Variants in BTK observed in about 807,000 individuals in gnomAD.
The protein encoded by BTK is tyrosine-protein kinase BTK.
Under a neutral mutation model 57.4 loss-of-function variants are expected in BTK, and 5 were observed. That is an observed-to-expected ratio of 0.09 (90% CI 0.05 to 0.18). The LOEUF (loss-of-function observed/expected upper bound fraction) is 0.18, where lower values mean the gene tolerates loss of function less well. BTK is among the 10% of genes least tolerant of loss of function. The pLI is 1.00. For missense variants in BTK, 194 were observed against 501.2 expected (o/e 0.39, Z 5.85); for synonymous variants, 154 against 174.3 (o/e 0.88, Z 0.92).
At chrX:101,374,332 T>A in intron 3 of BTK, 1 of 441,754 alleles carries the variant, frequency 2.3e-6, no homozygotes, top group Non-Finnish European at 4.0e-6. Context: ...GTTAACAAAT[T>A]TTCCATGTTT....
chrX:101,372,948 G>A (rs1927082409), intron 3 of BTK, among the ~76,000 whole-genome samples: 1 of 107,398 alleles, frequency 9.3e-6, no homozygotes, highest in Non-Finnish European at 1.9e-5. Flanking sequence ...GCAGGGTGTG[G>A]TGGTGGGCGC....
chrX:101,387,347 CT>C (rs1195584019), upstream of BTK, among the ~76,000 whole-genome samples: 1,811 of 75,480 alleles, frequency 0.024, 51 homozygotes, highest in African/African-American at 0.086. Context: ...GCCCTGGGAC[CT>C]TTTTTTTTTT....
At chrX:101,355,043 C>T (rs1051013000) in intron 15 of BTK, among the ~76,000 whole-genome samples, 3 of 112,399 alleles carry the variant, frequency 2.7e-5, no homozygotes, top group South Asian at 7.3e-4. Context: ...CTTTGGGAGG[C>T]CGAGGTGGGT....
At chrX:101,382,031 CAAAA>C (rs576652772) in intron 1 of BTK, among the ~76,000 whole-genome samples, 1 of 54,582 alleles carries the variant, frequency 1.8e-5, no homozygotes, top group Admixed American at 2.4e-4. Context: ...GACTCCGTCT[CAAAA>C]AAAAAAAAAA....
chrX:101,351,138 G>A (rs2147421574), intron 18 of BTK, among the ~76,000 whole-genome samples: 1 of 111,511 alleles, frequency 9.0e-6, no homozygotes, highest in South Asian at 3.7e-4. Flanking sequence ...TGAGATTACA[G>A]GCACACATCA....
chrX:101,355,798 T>G, intron 15 of BTK: 1 of 405,357 alleles, frequency 2.5e-6, no homozygotes, highest in Non-Finnish European at 4.4e-6. Context: ...GACCCCACCA[T>G]TTTCTTGTGG....
chrX:101,362,546 G>C lies in BTK; in HGVS notation c.520+15C>G, dbSNP rs782697907. 7 of 1,209,692 alleles carry C rather than the reference G, an allele frequency of 5.8e-6. No homozygotes were observed. The African/African-American group carries it at 8.7e-5, about 15-fold the overall frequency. On this transcript the variant is annotated intron_variant, in intron 6 of 18. Coordinates refer to ENST00000308731, the MANE Select transcript of BTK (RefSeq NM_000061.3). The stretch of plus-strand genomic sequence containing the variant: ...AGTCAAAGGAGAAAGAAATTATATC[G>C]ATCAGATTGCTTACTTCCATTCCTG...
upstream of BTK, among the ~76,000 whole-genome samples, chrX:101,388,912 G>A (rs979832317): frequency 1.8e-4 from 20 of 111,553 alleles, no homozygotes; most frequent in African/African-American, 5.9e-4. Context: ...TCAGTTCTGA[G>A]TGCCTCGTCT....
chrX:101,360,034 A>C, intron 9 of BTK, 54 bp downstream of exon 9: 2 of 522,328 alleles, frequency 3.8e-6, no homozygotes, highest in Non-Finnish European at 3.2e-6. Flanking sequence ...ATATATATAT[A>C]TAGAGAGAGA....
chrX:101,369,930 C>G (rs1268116114), intron 5 of BTK, 68 bp downstream of exon 5: 11 of 985,276 alleles, frequency 1.1e-5, no homozygotes, highest in Non-Finnish European at 1.3e-5. Context: ...TCCTTTTCCT[C>G]CCGTCTATCT....
intron 4 of BTK, among the ~76,000 whole-genome samples, chrX:101,370,959 C>A (rs1927012653): frequency 8.9e-6 from 1 of 112,303 alleles, no homozygotes; most frequent in Admixed American, 9.5e-5. Flanking sequence ...GATCCTTTTA[C>A]ATTTTTCTTT....
chrX:101,353,367 A>T lies in BTK; in HGVS notation c.1751-16T>A, dbSNP rs1555977359. 6 of 1,205,972 alleles carry T rather than the reference A, an allele frequency of 5.0e-6. No homozygotes were observed. Among genetic ancestry groups the T allele is most frequent in the Non-Finnish European group, 6.7e-6 (6 of 890,820 alleles). ...ATCAAAACCCCTAGAAGGTGAAAAA[A>T]ATTATTAAATTGGTTTGCAGTCTTT... On this transcript the variant is annotated splice_polypyrimidine_tract_variant and intron_variant, in intron 17 of 18. Transcript: ENST00000308731.
chrX:101,353,037 A>T, intron 18 of BTK, 157 bp downstream of exon 18: 1 of 535,441 alleles, frequency 1.9e-6, no homozygotes, highest in Non-Finnish European at 3.0e-6. Flanking sequence ...CTGTACTCCA[A>T]CCTGGGTGAA....
chrX:101,350,087 AG>A, intron 18 of BTK, 131 bp from the exon 19 acceptor site: 26 of 422,408 alleles, frequency 6.2e-5, no homozygotes, highest in Admixed American at 1.2e-4. Flanking sequence ...CGATTACAAA[AG>A]GAAAAAAAAA....
In BTK at chrX:101,362,622, G is replaced by A. The variant is rs781801221; in HGVS notation, c.459C>T (p.Leu153=). The change falls in exon 6 of 19, where the codon CTC becomes CTT. Residue 153 remains leucine, a synonymous_variant. Transcript: ENST00000308731. ...HPCFWIDGQY[L]CCSQTAKNAM... ...CATTTTTGGCTGTCTGAGAGCAGCA[G>A]AGATACTGCCCATCGATCCAGAAGC... The A allele has an allele frequency of 8.3e-7, 1 of 1,212,035 alleles. No individual in the cohort carries two copies. The highest frequency in any genetic ancestry group is 1.1e-6 in the Non-Finnish European group (1 of 895,422).
intron 18 of BTK, among the ~76,000 whole-genome samples, chrX:101,351,896 G>T (rs1266231584): frequency 8.9e-6 from 1 of 112,174 alleles, no homozygotes; most frequent in Admixed American, 9.5e-5. Flanking sequence ...GGGCGCTGTG[G>T]CTCATGCCTG....
chrX:101,381,903 G>A (rs781835497), intron 1 of BTK, among the ~76,000 whole-genome samples: 72 of 108,479 alleles, frequency 6.6e-4, no homozygotes, highest in African/African-American at 2.1e-3. Flanking sequence ...GTGGTGGCGC[G>A]CACCTGTAAT....
At chrX:101,371,941 T>G (rs1219104266) in intron 3 of BTK, among the ~76,000 whole-genome samples, 11 of 111,866 alleles carry the variant, frequency 9.8e-5, no homozygotes, top group Non-Finnish European at 1.9e-4. Context: ...TTCTAAAAAA[T>G]TGTTGTTGGG....
At chrX:101,390,220 T>C (rs782182685), upstream of BTK, among the ~76,000 whole-genome samples, 7 of 112,186 alleles carry the variant, frequency 6.2e-5, no homozygotes, top group African/African-American at 2.3e-4. Context: ...AGTCTTTCTA[T>C]GCTGGACTCT....
Sources: allele counts gnomAD v4.1 joint callset (sites outside exome capture counted in the v4.1 genomes callset), GRCh38; gene constraint gnomAD v4.1.1; transcripts MANE v1.5; gene names NCBI Gene and HGNC (gene_info 2026-07-23, HGNC 2026-07-21).